Variants in NR4A3 observed in about 807,000 individuals in gnomAD.
NR4A3 encodes chondrosarcoma, extraskeletal myxoid, fused to EWS.
NR4A3 carries 13 observed loss-of-function variants against 55.6 expected under a neutral mutation model. That is an observed-to-expected ratio of 0.23 (90% CI 0.15 to 0.37). The LOEUF (loss-of-function observed/expected upper bound fraction) is 0.37, where lower values mean the gene tolerates loss of function less well. NR4A3 is among the 10% of genes least tolerant of loss of function. The probability of loss-of-function intolerance (pLI) is 1.00; values close to 1 mark genes in which losing one functional copy is unlikely to be tolerated. For missense variants in NR4A3, 646 were observed against 822.8 expected (o/e 0.79, Z 2.63); for synonymous variants, 342 against 357.9 (o/e 0.96, Z 0.50).
chr9:99,837,586 T>C (rs1827581051), intron 5 of NR4A3, among the ~76,000 whole-genome samples: 1 of 152,190 alleles, frequency 6.6e-6, no homozygotes, highest in Non-Finnish European at 1.5e-5. Context: ...ATTGGGGTTT[T>C]TTTTTAAAGG....
chr9:99,842,545 AC>A (rs906627416), intron 5 of NR4A3, among the ~76,000 whole-genome samples: 7 of 152,200 alleles, frequency 4.6e-5, no homozygotes, highest in African/African-American at 1.4e-4. Context: ...AGCTTGGCCA[AC>A]ATGGTGAAAC....
At chr9:99,833,198 A>G (rs1193036775) in intron 4 of NR4A3, 84 bp from the exon 5 acceptor site, 2 of 1,489,320 alleles carry the variant, frequency 1.3e-6, no homozygotes, top group Non-Finnish European at 1.8e-6. Flanking sequence ...CTCAACTGTA[A>G]TGTGTTTTTA....
chr9:99,843,711 C>A (rs1827697208), intron 5 of NR4A3, among the ~76,000 whole-genome samples: 1 of 151,796 alleles, frequency 6.6e-6, no homozygotes, highest in African/African-American at 2.4e-5. Flanking sequence ...GTGTCTACCC[C>A]CAGAGTTTCT....
intron 1 of NR4A3, among the ~76,000 whole-genome samples, chr9:99,824,878 G>T (rs550138156): frequency 6.6e-6 from 1 of 152,182 alleles, no homozygotes; most frequent in African/African-American, 2.4e-5. Context: ...ATGTGCCCCC[G>T]CTAGGCCGCT....
chr9:99,834,967 C>T (rs1827529991), intron 5 of NR4A3: 7 of 978,858 alleles, frequency 7.2e-6, no homozygotes, highest in South Asian at 9.4e-5. Context: ...TGGAATCATG[C>T]GGGCCTAGAT....
intron 7 of NR4A3, among the ~76,000 whole-genome samples, chr9:99,851,528 A>C (rs1223409484): frequency 6.6e-6 from 1 of 152,178 alleles, no homozygotes; most frequent in South Asian, 2.1e-4. Context: ...GGTGGTTTGC[A>C]CAAACATGGC....
intron 5 of NR4A3, chr9:99,834,721 G>C (rs1827521482): frequency 2.4e-6 from 2 of 831,582 alleles, no homozygotes; most frequent in African/African-American, 1.8e-5. Context: ...GAAATGATTA[G>C]TGTACCTGCT....
chr9:99,833,776 A>C lies in NR4A3; in HGVS notation c.1254+322A>C, dbSNP rs561047061. 231 of 1,356,144 alleles carry C rather than the reference A, an allele frequency of 1.7e-4. 4 individuals carry two copies. In the East Asian group the frequency reaches 6.5e-3, roughly 38 times the overall value. 84.0% of individuals were successfully genotyped at this position (1,356,144 alleles called of 1,614,324 possible). A position where few individuals can be genotyped will look rare whatever the true frequency, so the allele number is the denominator to read the frequency against. On this transcript the variant is annotated intron_variant, in intron 5 of 7. Coordinates refer to ENST00000395097, the MANE Select transcript of NR4A3 (RefSeq NM_006981.4). ...AATTTGTAGATTTATCTCGTGATCT[A>C]GACAAAGTGACTACTGTTTTTTTTC...
In NR4A3 at chr9:99,852,131, G is replaced by A. The variant is rs118144354; in HGVS notation, c.1633+4516G>A. ...TTTTTTGAGGTGAAGGAAGGTAGAA[G>A]TGTTGGTCATGAATGACTTCCCAAA... On this transcript the variant is annotated intron_variant, in intron 7 of 7. Coordinates refer to ENST00000395097, the MANE Select transcript of NR4A3 (RefSeq NM_006981.4). Among the ~76,000 whole-genome samples the A allele has an allele frequency of 1.8e-4, 28 of 152,298 alleles. No individual in the cohort carries two copies. In the East Asian group the frequency reaches 4.8e-3, roughly 26 times the overall value.
chr9:99,848,812 T>C (rs1398076775), intron 7 of NR4A3, among the ~76,000 whole-genome samples: 1 of 152,194 alleles, frequency 6.6e-6, no homozygotes, highest in Non-Finnish European at 1.5e-5. Context: ...CCTGTGGCCA[T>C]GGAGGCCCTT....
chr9:99,866,509 T>C lies in NR4A3; in HGVS notation c.*2642T>C, dbSNP rs1032416821. On this transcript the variant is annotated 3_prime_UTR_variant, in exon 8 of 8. Transcript: ENST00000395097. ...TGATAGCATGTTCTTCTGTCTTCCA[T>C]AGTTATTACAACTATGAGAGCCTCC... The C allele has an allele frequency of 8.7e-5, 20 of 228,592 alleles. No individual in the cohort carries two copies. The highest frequency in any genetic ancestry group is 3.1e-4 in the African/African-American group (14 of 45,086). 14.2% of individuals were successfully genotyped at this position (228,592 alleles called of 1,614,324 possible).
chr9:99,856,587 A>G (rs558591763), intron 7 of NR4A3, among the ~76,000 whole-genome samples: 1 of 152,346 alleles, frequency 6.6e-6, no homozygotes, highest in South Asian at 2.1e-4. Flanking sequence ...TCACATAGAA[A>G]GAACCATTTG....
chr9:99,838,710 T>TG (rs537219347), intron 5 of NR4A3, among the ~76,000 whole-genome samples: 20 of 151,814 alleles, frequency 1.3e-4, no homozygotes, highest in Non-Finnish European at 2.5e-4. Flanking sequence ...GAGAAAGAGG[T>TG]GGGGTGTTTG....
Position 99,866,266 on chromosome 9 carries a change from A to C in NR4A3, c.*2399A>C, listed in dbSNP as rs1164246590. The C allele has an allele frequency of 9.0e-6, 2 of 221,082 alleles. No individual in the cohort carries two copies. Among genetic ancestry groups the C allele is most frequent in the African/African-American group, 4.5e-5 (2 of 44,722 alleles). 13.7% of individuals were successfully genotyped at this position (221,082 alleles called of 1,614,324 possible). On this transcript the variant is annotated 3_prime_UTR_variant, in exon 8 of 8. Transcript: ENST00000395097. ...CTGTGCATACATAACCTTCTTGTGC[A>C]CCATGAGTATTTGGAAAGTTAATCC...
chr9:99,828,798 C>A lies in NR4A3; in HGVS notation c.756C>A (p.Ala252=). ...PYGLPLAKRA[A]PLAFPPLGLT... is the part of the protein sequence containing the mutation. ...GGCTGCCGCTGGCCAAGAGGGCGGC[C>A]CCGCTGGCCTTCCCGCCTCTCGGCC... The change falls in exon 3 of 8, where the codon GCC becomes GCA. Residue 252 remains alanine, a synonymous_variant. Transcript: ENST00000395097. This position sits in a 1 kb window ranked among gnomAD's most constrained non-coding sequence, Gnocchi z 7.7. The A allele has an allele frequency of 6.8e-7, 1 of 1,467,712 alleles. No individual in the cohort carries two copies. Among genetic ancestry groups the A allele is most frequent in the Non-Finnish European group, 9.0e-7 (1 of 1,113,628 alleles). 90.9% of individuals were successfully genotyped at this position (1,467,712 alleles called of 1,614,324 possible).
chr9:99,828,639 TC>T lies in NR4A3; in HGVS notation c.603del (p.Ala202ArgfsTer135). 3.4e-6 allele frequency: 5 copies of T among 1,464,410 alleles called. No individual in the cohort carries two copies. Among genetic ancestry groups the T allele is most frequent in the Admixed American group, 2.5e-5 (1 of 39,604 alleles). 90.7% of individuals were successfully genotyped at this position (1,464,410 alleles called of 1,614,324 possible). Reference sequence around the variant, plus strand: ...TCCACTTCAAGCCCTCGCCGCCGCATCCCCCCGCGCCCAGCCCGGCCGGCGG... The same window carrying T: ...TCCACTTCAAGCCCTCGCCGCCGCATCCCCCGCGCCCAGCCCGGCCGGCGG... ...LFHFKPSPPH[P>X]PAPSPAGGHH... On this transcript the variant is annotated frameshift_variant, in exon 3 of 8. Coordinates refer to ENST00000395097, the MANE Select transcript of NR4A3 (RefSeq NM_006981.4). LOFTEE classifies it high-confidence loss of function. This position sits in a 1 kb window ranked among gnomAD's most constrained non-coding sequence, Gnocchi z 7.7.
At chr9:99,824,582 CT>C (rs1459509110) in intron 1 of NR4A3, among the ~76,000 whole-genome samples, 2 of 152,222 alleles carry the variant, frequency 1.3e-5, no homozygotes, top group African/African-American at 4.8e-5. Flanking sequence ...CCCCGAGTCC[CT>C]TTCTCTCTTC....
In NR4A3 at chr9:99,828,046, C is replaced by T. The variant is rs1053475497; in HGVS notation, c.4C>T (p.Pro2Ser). Residue 2 changes from proline (P) to serine (S), a missense_variant, in exon 3 of 8, where the codon CCC becomes TCC. By Grantham distance (74) the Pro-to-Ser change is moderately conservative. Transcript: ENST00000395097. The surrounding 1 kb of genome is among the most constrained non-coding windows in gnomAD (Gnocchi z 7.7). ...CCTTTTCTCTGTCCCTGCAGATATG[C>T]CCTGCGTCCAAGCCCAATATAGCCC... M[P>S]CVQAQYSPSP... is the part of the protein sequence containing the mutation. The T allele has an allele frequency of 4.3e-6, 7 of 1,612,262 alleles. No homozygotes were observed. Among genetic ancestry groups the T allele is most frequent in the Middle Eastern group, 3.3e-4 (2 of 6,078 alleles).
At chr9:99,845,954 C>T (rs1827745799) in intron 6 of NR4A3, among the ~76,000 whole-genome samples, 1 of 152,178 alleles carries the variant, frequency 6.6e-6, no homozygotes, top group Admixed American at 6.5e-5. Context: ...ATGTGACTGT[C>T]ATCTATTAGG....
Sources: allele counts gnomAD v4.1 joint callset (sites outside exome capture counted in the v4.1 genomes callset), GRCh38; gene constraint gnomAD v4.1.1; non-coding constraint Gnocchi (gnomAD v3.1); transcripts MANE v1.5; gene names NCBI Gene and HGNC (gene_info 2026-07-23, HGNC 2026-07-21).